HTR4: variants seen among roughly 807,000 people sequenced by gnomAD.
The protein encoded by HTR4 is 5-hydroxytryptamine (serotonin) receptor 4, G protein-coupled.
In HTR4, 16 loss-of-function variants were observed where a neutral mutation model predicts 36.8. The observed-to-expected ratio is 0.43, with a 90% CI of 0.29 to 0.66. The LOEUF is 0.66. Ranked by LOEUF, HTR4 falls within the 30% of genes least tolerant of loss-of-function variation. HTR4 has a pLI of 0.13. For missense variants in HTR4, 438 were observed against 490.9 expected (o/e 0.89, Z 1.02); for synonymous variants, 189 against 185.1 (o/e 1.02, Z -0.17).
chr5:148,644,220 G>A (rs1011583914), intron 1 of HTR4, among the ~76,000 whole-genome samples: 4 of 152,124 alleles, frequency 2.6e-5, no homozygotes, highest in Non-Finnish European at 5.9e-5. Context: ...GAAAGAATAT[G>A]TTCTTATGCA....
At chr5:148,471,745 T>C (rs1581346737), downstream of HTR4, among the ~76,000 whole-genome samples, 2 of 152,288 alleles carry the variant, frequency 1.3e-5, 1 homozygote, top group East Asian at 3.9e-4. Context: ...TTATTTAACG[T>C]TGGATTTTTA....
chr5:148,626,817 G>A (rs529049381), intron 2 of HTR4, among the ~76,000 whole-genome samples: 2 of 152,254 alleles, frequency 1.3e-5, no homozygotes, highest in African/African-American at 4.8e-5. Flanking sequence ...TGACCATAGA[G>A]CAGATATGAT....
chr5:148,619,148 C>G (rs1752818289), intron 2 of HTR4, among the ~76,000 whole-genome samples: 2 of 152,038 alleles, frequency 1.3e-5, no homozygotes, highest in African/African-American at 4.8e-5. Context: ...AGTAAAGAAA[C>G]CTTAGAATTC....
chr5:148,604,252 G>A (rs531028432), intron 2 of HTR4, among the ~76,000 whole-genome samples: 25 of 152,170 alleles, frequency 1.6e-4, no homozygotes, highest in African/African-American at 5.8e-4. Flanking sequence ...TTTGCAACAT[G>A]CGTATCTGAA....
At chr5:148,490,488 A>G (rs1209291527) in intron 6 of HTR4, 1 of 739,150 alleles carries the variant, frequency 1.4e-6, no homozygotes. Context: ...ACTGGCTGAA[A>G]TAGAGTTTGC....
intron 1 of HTR4, chr5:148,645,268 AC>A (rs1313230038): frequency 6.6e-6 from 1 of 152,204 alleles, no homozygotes; most frequent in African/African-American, 2.4e-5. Flanking sequence ...GCATAAGGTC[AC>A]TGTCACAACT....
chr5:148,541,816 T>C (rs1483081140), intron 4 of HTR4, among the ~76,000 whole-genome samples: 1 of 152,122 alleles, frequency 6.6e-6, no homozygotes, highest in Non-Finnish European at 1.5e-5. Flanking sequence ...CACATGCGTT[T>C]TCAGGAGCAG....
At chr5:148,548,603 G>A in intron 4 of HTR4, 65 bp downstream of exon 4, 3 of 1,269,632 alleles carry the variant, frequency 2.4e-6, no homozygotes, top group Non-Finnish European at 3.4e-6. Flanking sequence ...GGCAGACACT[G>A]CCCAATATCC....
At chr5:148,596,354 T>C (rs1561640835) in intron 2 of HTR4, among the ~76,000 whole-genome samples, 1 of 152,208 alleles carries the variant, frequency 6.6e-6, no homozygotes, top group Non-Finnish European at 1.5e-5. Flanking sequence ...ATTTGGTTAC[T>C]CTCCAACTTC....
intron 4 of HTR4, among the ~76,000 whole-genome samples, chr5:148,524,589 C>T (rs1055281024): frequency 2.6e-5 from 4 of 152,198 alleles, no homozygotes; most frequent in African/African-American, 7.2e-5. Context: ...GAGATCACCT[C>T]TTCCATGCCC....
At chr5:148,563,938 G>A (rs954515452) in intron 2 of HTR4, among the ~76,000 whole-genome samples, 1 of 152,074 alleles carries the variant, frequency 6.6e-6, no homozygotes, top group African/African-American at 2.4e-5. Context: ...CTGACTGAAT[G>A]AATGAATGAA....
At chr5:148,503,427 C>T (rs1333478775) in intron 6 of HTR4, among the ~76,000 whole-genome samples, 2 of 152,160 alleles carry the variant, frequency 1.3e-5, no homozygotes, top group East Asian at 3.8e-4. Flanking sequence ...AAATACTTTA[C>T]AGACAAGCAA....
chr5:148,559,236 C>G (rs1203362677), intron 2 of HTR4, among the ~76,000 whole-genome samples: 1 of 152,146 alleles, frequency 6.6e-6, no homozygotes, highest in Non-Finnish European at 1.5e-5. Flanking sequence ...CCACTGAATG[C>G]ATATTGCTTT....
intron 2 of HTR4, among the ~76,000 whole-genome samples, chr5:148,602,672 C>A (rs565753446): frequency 6.6e-6 from 1 of 151,678 alleles, no homozygotes; most frequent in African/African-American, 2.4e-5. Context: ...AAATTAAAAC[C>A]AACAACACAG....
intron 2 of HTR4, among the ~76,000 whole-genome samples, chr5:148,631,682 C>T (rs1411023890): frequency 2.6e-5 from 4 of 152,018 alleles, no homozygotes; most frequent in Admixed American, 2.6e-4. Context: ...TTTCTGTTTG[C>T]TAAGATTGGA....
downstream of HTR4, chr5:148,476,601 G>A (rs1340246318): frequency 1.4e-5 from 21 of 1,506,846 alleles, no homozygotes; most frequent in South Asian, 6.8e-5. Context: ...TGGAGATGCC[G>A]TAACAATGAA....
At chr5:148,583,263 C>T (rs929023921) in intron 2 of HTR4, among the ~76,000 whole-genome samples, 1 of 145,740 alleles carries the variant, frequency 6.9e-6, no homozygotes, top group Non-Finnish European at 1.5e-5. Flanking sequence ...ATTGAACCAG[C>T]CTTGCATCCC....
chr5:148,654,456 G>A lies in HTR4; in HGVS notation c.-442C>T. 2.0e-6 allele frequency: 2 copies of A among 985,412 alleles called. No homozygotes were observed. The highest frequency in any genetic ancestry group is 9.4e-5 in the South Asian group (2 of 21,276). The allele number at this position is 985,412 out of a possible 1,614,324, so 61.0% of individuals were successfully genotyped here. A position where few individuals can be genotyped will look rare whatever the true frequency, so the allele number is the denominator to read the frequency against. On this transcript the variant is annotated 5_prime_UTR_variant, in exon 1 of 7. Transcript: ENST00000377888. ...GGCGCACAGGGGAGTGGGCACAGAG[G>A]CGGGCTGGAGCGATCTCACCCGTTC...
chr5:148,561,804 C>T lies in HTR4; in HGVS notation c.27-11542G>A, dbSNP rs191103678. 6.6e-5 allele frequency among the ~76,000 whole-genome samples: 10 copies of T among 152,260 alleles called. No individual in the cohort carries two copies. In the East Asian group the frequency reaches 1.2e-3, roughly 18 times the overall value. On this transcript the variant is annotated intron_variant, in intron 2 of 6. Coordinates refer to ENST00000377888, the MANE Select transcript of HTR4 (RefSeq NM_000870.7). ...AAAATGTGGACCACATATGCCCTCT[C>T]CACTTTGGTAAATCATTTACCCTAA...
Sources: gnomAD v4.1 joint callset for allele counts (sites outside exome capture counted in the v4.1 genomes callset) on GRCh38, gnomAD v4.1.1 for gene constraint, MANE v1.5 for transcripts, NCBI Gene and HGNC (gene_info 2026-07-23, HGNC 2026-07-21) for gene names.